The following MAGI2 variants were observed in gnomAD, a reference collection of about 807,000 sequenced individuals.
MAGI2 encodes the protein membrane-associated guanylate kinase, WW and PDZ domain-containing protein 2.
A neutral mutation model predicts 133.3 loss-of-function variants in MAGI2; 35 were observed. That is an observed-to-expected ratio of 0.26 (90% confidence interval 0.20 to 0.35). The LOEUF is 0.35. Ranked by LOEUF, MAGI2 falls within the 10% of genes least tolerant of loss-of-function variation. MAGI2 has a pLI of 1.00. For missense variants in MAGI2, 1,636 were observed against 1,863.4 expected, an observed-to-expected ratio of 0.88 and a Z score of 2.25; for synonymous variants, 729 against 710.6, an observed-to-expected ratio of 1.03 and a Z score of -0.41.
Position 78,019,659 on chromosome 7 carries a change from TGCCGGCCTCGG to T in MAGI2, c.4013_4023del (p.Pro1338GlnfsTer99). 8.1e-7 allele frequency: 1 copy of T among 1,240,168 alleles called. No individual in the cohort carries two copies. 76.8% of individuals were successfully genotyped at this position (1,240,168 alleles called of 1,614,324 possible). A position where few individuals can be genotyped will look rare whatever the true frequency, so the allele number is the denominator to read the frequency against. Reference sequence around the variant, plus strand: ...GGCGCCCTGGCCTCCGAGGCGGGCCTGCCGGCCTCGGGCCGCCCCTGGCCGCCGGGCGCCTC... The same window carrying T: ...GGCGCCCTGGCCTCCGAGGCGGGCCTGCCGCCCCTGGCCGCCGGGCGCCTC... On this transcript the variant is annotated frameshift_variant, in exon 22 of 22. Coordinates refer to ENST00000354212, the MANE Select transcript of MAGI2 (RefSeq NM_012301.4). LOFTEE classifies it low-confidence loss of function (END_TRUNC).
chr7:78,608,552 T>C (rs11765828), intron 3 of MAGI2, among the ~76,000 whole-genome samples: 2,969 of 152,104 alleles, frequency 0.02, 55 homozygotes, highest in Non-Finnish European at 0.028. Flanking sequence ...CAGCTCATAG[T>C]AAACTCTATC....
intron 2 of MAGI2, among the ~76,000 whole-genome samples, chr7:78,985,819 G>T (rs973901915): frequency 6.6e-6 from 1 of 152,056 alleles, no homozygotes; most frequent in Non-Finnish European, 1.5e-5. Context: ...ATAATTAGGA[G>T]AGGATATGAC....
intron 2 of MAGI2, among the ~76,000 whole-genome samples, chr7:79,002,173 C>T (rs1441827050): frequency 6.6e-6 from 1 of 151,296 alleles, no homozygotes; most frequent in Non-Finnish European, 1.5e-5. Flanking sequence ...ACTCTGTCAC[C>T]CAGGCTGACA....
chr7:78,297,834 T>A (rs1325469259), intron 9 of MAGI2, among the ~76,000 whole-genome samples: 9 of 39,034 alleles, frequency 2.3e-4, no homozygotes, highest in South Asian at 1.1e-3. Flanking sequence ...TGTTGTGGGG[T>A]GGGGGGAGGG....
chr7:78,932,189 A>G (rs1800184618), intron 2 of MAGI2, among the ~76,000 whole-genome samples: 1 of 152,012 alleles, frequency 6.6e-6, no homozygotes, highest in Non-Finnish European at 1.5e-5. Flanking sequence ...GTTTCCCACA[A>G]TGCCTCACAT....
intron 10 of MAGI2, among the ~76,000 whole-genome samples, chr7:78,245,021 T>G (rs1156746788): frequency 6.6e-6 from 1 of 152,198 alleles, no homozygotes; most frequent in African/African-American, 2.4e-5. Context: ...TAATCCTCAC[T>G]ATTAACAGTG....
intron 20 of MAGI2, among the ~76,000 whole-genome samples, chr7:78,104,022 T>A (rs954786062): frequency 2.6e-5 from 4 of 152,188 alleles, no homozygotes; most frequent in African/African-American, 9.7e-5. Context: ...GAACACAGCC[T>A]GGGATCAGCT....
chr7:78,569,588 A>G (rs1434260301), intron 3 of MAGI2, among the ~76,000 whole-genome samples: 3 of 152,216 alleles, frequency 2.0e-5, no homozygotes, highest in Non-Finnish European at 2.9e-5. Context: ...AAAGGAAAGA[A>G]AAAAAAGTAA....
chr7:78,645,643 G>C (rs1259377304), intron 2 of MAGI2, among the ~76,000 whole-genome samples: 1 of 78,642 alleles, frequency 1.3e-5, no homozygotes, highest in African/African-American at 5.3e-5. Context: ...TAAGTGTGGT[G>C]TGTGTGTGTG....
chr7:79,075,503 G>T (rs1815381997), intron 1 of MAGI2, among the ~76,000 whole-genome samples: 1 of 152,150 alleles, frequency 6.6e-6, no homozygotes, highest in Non-Finnish European at 1.5e-5. Flanking sequence ...GCTCACATCT[G>T]TAATCCCAAC....
intron 1 of MAGI2, among the ~76,000 whole-genome samples, chr7:79,337,995 T>G (rs1473320517): frequency 6.6e-6 from 1 of 152,136 alleles, no homozygotes; most frequent in African/African-American, 2.4e-5. Flanking sequence ...TGAGCAGCAA[T>G]GAACATAAAA....
intron 1 of MAGI2, among the ~76,000 whole-genome samples, chr7:79,265,666 T>C (rs1012900974): frequency 1.3e-5 from 2 of 152,184 alleles, no homozygotes; most frequent in Admixed American, 1.3e-4. Context: ...TATTGCATGC[T>C]ACAAGTAAGT....
chr7:78,388,275 TATCATC>T (rs75353734), intron 6 of MAGI2, among the ~76,000 whole-genome samples: 1 of 143,474 alleles, frequency 7.0e-6, no homozygotes, highest in Non-Finnish European at 1.5e-5. Flanking sequence ...GCTCCACTGT[TATCATC>T]ATCATCATCA....
chr7:78,943,657 T>C (rs1387795595), intron 2 of MAGI2, among the ~76,000 whole-genome samples: 2 of 152,130 alleles, frequency 1.3e-5, no homozygotes, highest in Non-Finnish European at 2.9e-5. Flanking sequence ...ACTGACAATG[T>C]TGAGTGGAGA....
At chr7:79,097,847 C>T (rs1451020416) in intron 1 of MAGI2, among the ~76,000 whole-genome samples, 7 of 152,130 alleles carry the variant, frequency 4.6e-5, no homozygotes, top group Non-Finnish European at 1.0e-4. Context: ...GTGGGCCAGG[C>T]GTGGTGGCTT....
At chr7:78,630,253 G>A (rs1808819465) in intron 2 of MAGI2, among the ~76,000 whole-genome samples, 1 of 150,850 alleles carries the variant, frequency 6.6e-6, no homozygotes, top group South Asian at 2.1e-4. Flanking sequence ...TCTTTTTTTT[G>A]TCTATAATTC....
At chr7:79,038,843 T>C (rs1811355159) in intron 1 of MAGI2, among the ~76,000 whole-genome samples, 1 of 152,196 alleles carries the variant, frequency 6.6e-6, no homozygotes. Flanking sequence ...TAGTCTGTTG[T>C]TTTTAACCAT....
At chr7:79,182,926 A>G (rs1009190784) in intron 1 of MAGI2, among the ~76,000 whole-genome samples, 1 of 152,002 alleles carries the variant, frequency 6.6e-6, no homozygotes, top group African/African-American at 2.4e-5. Flanking sequence ...GGAGGTTACG[A>G]GAAATAAGCC....
Position 78,539,748 on chromosome 7 carries a change from C to T in MAGI2, c.539-18103G>A, listed in dbSNP as rs1798252916. Among the ~76,000 whole-genome samples the T allele has an allele frequency of 2.0e-5, 3 of 152,276 alleles. No individual in the cohort carries two copies. The South Asian group carries it at 6.2e-4, about 32-fold the overall frequency. On this transcript the variant is annotated intron_variant, in intron 3 of 21. Coordinates refer to ENST00000354212, the MANE Select transcript of MAGI2 (RefSeq NM_012301.4). ...CAAAGAGTCCTGTGATGTGATCTGT[C>T]TTCAGGTCTCTCGGCCATGGATACC...
Sources: gnomAD v4.1 joint callset for allele counts (sites outside exome capture counted in the v4.1 genomes callset) on GRCh38, gnomAD v4.1.1 for gene constraint, MANE v1.5 for transcripts, NCBI Gene and HGNC (gene_info 2026-07-23, HGNC 2026-07-21) for gene names.